Variants in SPATS2L observed in about 807,000 individuals in gnomAD.
SPATS2L encodes spermatogenesis associated serine rich 2 like.
Under a neutral mutation model 59.6 loss-of-function variants are expected in SPATS2L, and 30 were observed. The observed-to-expected ratio is 0.50, with a 90% CI of 0.38 to 0.68. The LOEUF is 0.68. SPATS2L is among the 30% of genes least tolerant of loss of function. The probability of loss-of-function intolerance (pLI) is 0.00; values close to 1 mark genes in which losing one functional copy is unlikely to be tolerated. For synonymous variants in SPATS2L, 252 were observed against 263.5 expected (o/e 0.96, Z 0.42); for missense variants, 615 against 700.0 (o/e 0.88, Z 1.37).
intron 6 of SPATS2L, among the ~76,000 whole-genome samples, chr2:200,437,168 C>T (rs1336819812): frequency 6.6e-6 from 1 of 152,070 alleles, no homozygotes; most frequent in Non-Finnish European, 1.5e-5. Flanking sequence ...TAAAAATTAC[C>T]CAGGCTCAAG....
At chr2:200,407,215 C>T (rs1180957933) in intron 3 of SPATS2L, among the ~76,000 whole-genome samples, 1 of 152,136 alleles carries the variant, frequency 6.6e-6, no homozygotes, top group Non-Finnish European at 1.5e-5. Flanking sequence ...AGATAATATC[C>T]TCATTTTACA....
chr2:200,416,485 G>T, intron 5 of SPATS2L, 57 bp downstream of exon 5: 1 of 1,046,014 alleles, frequency 9.6e-7, no homozygotes, highest in Non-Finnish European at 1.3e-6. Flanking sequence ...CTTCATGGTT[G>T]TTATCATTTT....
intron 3 of SPATS2L, among the ~76,000 whole-genome samples, chr2:200,403,864 A>G (rs2082608546): frequency 6.8e-6 from 1 of 146,692 alleles, no homozygotes; most frequent in Non-Finnish European, 1.5e-5. Flanking sequence ...TCATTTCCAT[A>G]AGGGCAGCTC....
rs1574482604 is a variant in SPATS2L, at chr2:200,357,254, G to A, written c.-23+27774G>A. Among the ~76,000 whole-genome samples the A allele has an allele frequency of 2.0e-5, 3 of 152,214 alleles. No homozygotes were observed. In the Middle Eastern group the frequency reaches 0.01, roughly 518 times the overall value. On this transcript the variant is annotated intron_variant, in intron 2 of 12. Transcript: ENST00000409140. ...CTTCTAAACTGCTTCTGTAGGATCG[G>A]TTACTACATTCCTGAAAGTCCTTTC...
chr2:200,453,844 G>C (rs985514913), intron 8 of SPATS2L, among the ~76,000 whole-genome samples: 1 of 152,216 alleles, frequency 6.6e-6, no homozygotes, highest in Non-Finnish European at 1.5e-5. Context: ...AAGCCTGGCT[G>C]TAGGGCTTAT....
intron 6 of SPATS2L, among the ~76,000 whole-genome samples, chr2:200,426,852 A>G (rs559956271): frequency 1.3e-5 from 2 of 152,298 alleles, no homozygotes; most frequent in African/African-American, 2.4e-5. Context: ...CTCAGCTTCA[A>G]GTAACTTGGT....
intron 2 of SPATS2L, among the ~76,000 whole-genome samples, chr2:200,388,902 C>G (rs968799651): frequency 6.6e-6 from 1 of 152,100 alleles, no homozygotes; most frequent in African/African-American, 2.4e-5. Context: ...AAAATAGGTA[C>G]GGTTTCCCTT....
intron 6 of SPATS2L, among the ~76,000 whole-genome samples, chr2:200,428,440 G>A (rs574301502): frequency 1.3e-5 from 2 of 152,210 alleles, no homozygotes; most frequent in East Asian, 3.9e-4. Context: ...TGTTCCCTTT[G>A]GAGGTCATTC....
chr2:200,450,297 T>C (rs1292495420), intron 8 of SPATS2L, among the ~76,000 whole-genome samples: 2 of 152,334 alleles, frequency 1.3e-5, no homozygotes, highest in Non-Finnish European at 2.9e-5. Context: ...TTTGGGAAAT[T>C]TCTTTTCCTC....
intron 3 of SPATS2L, among the ~76,000 whole-genome samples, chr2:200,410,303 T>C (rs575652755): frequency 3.3e-5 from 5 of 152,286 alleles, no homozygotes; most frequent in African/African-American, 9.6e-5. Context: ...TAATGTGTAT[T>C]GTTGAACACA....
chr2:200,328,205 G>A (rs573628643), intron 1 of SPATS2L, among the ~76,000 whole-genome samples: 23 of 152,156 alleles, frequency 1.5e-4, no homozygotes, highest in Admixed American at 6.5e-4. Flanking sequence ...TTGTCCTCAG[G>A]GCTGCATTCT....
At chr2:200,442,449 A>G (rs1380761622) in intron 8 of SPATS2L, among the ~76,000 whole-genome samples, 1 of 152,162 alleles carries the variant, frequency 6.6e-6, no homozygotes, top group Non-Finnish European at 1.5e-5. Flanking sequence ...GCAGCCCTAG[A>G]TAATCAAAAA....
chr2:200,454,340 T>G (rs2085684546), intron 8 of SPATS2L, among the ~76,000 whole-genome samples: 1 of 152,202 alleles, frequency 6.6e-6, no homozygotes. Context: ...TCTTTGTATT[T>G]GAAGAACACT....
chr2:200,306,571 C>T (rs1384728188), upstream of SPATS2L: 6 of 999,222 alleles, frequency 6.0e-6, no homozygotes, highest in Non-Finnish European at 7.2e-6. Context: ...CGAGCGGGAG[C>T]GAGGGGCGCC....
In SPATS2L at chr2:200,464,720, C is replaced by T. The variant is rs540784145; in HGVS notation, c.848-2570C>T. ...GTCTTGAACTCCTGAGTCAAGCAATCCTCCTGCCTCAGCCTCCGAAAGTGC... is the reference window on the plus strand; with the variant it reads ...GTCTTGAACTCCTGAGTCAAGCAATTCTCCTGCCTCAGCCTCCGAAAGTGC... On this transcript the variant is annotated intron_variant, in intron 9 of 12. Transcript: ENST00000409140. Among the ~76,000 whole-genome samples, 82 of 152,190 alleles carry T rather than the reference C, an allele frequency of 5.4e-4. No individual in the cohort carries two copies. In the Middle Eastern group the frequency reaches 0.017, roughly 32 times the overall value.
At chr2:200,434,447 T>C (rs989228379) in intron 6 of SPATS2L, among the ~76,000 whole-genome samples, 1 of 152,042 alleles carries the variant, frequency 6.6e-6, no homozygotes, top group Non-Finnish European at 1.5e-5. Flanking sequence ...ACTGTCATCA[T>C]TGTGTTTGTA....
At chr2:200,345,556 C>T (rs2080484274) in intron 2 of SPATS2L, among the ~76,000 whole-genome samples, 1 of 152,154 alleles carries the variant, frequency 6.6e-6, no homozygotes, top group Non-Finnish European at 1.5e-5. Flanking sequence ...ATTTATTAGG[C>T]CAGCTCTGGG....
At chr2:200,461,234 G>A (rs1181463272) in intron 9 of SPATS2L, 1 of 152,202 alleles carries the variant, frequency 6.6e-6, no homozygotes, top group Non-Finnish European at 1.5e-5. Flanking sequence ...TCACAAATCA[G>A]ATTGCTTAAT....
chr2:200,447,029 G>C (rs2085094188), intron 8 of SPATS2L, among the ~76,000 whole-genome samples: 1 of 152,162 alleles, frequency 6.6e-6, no homozygotes, highest in Non-Finnish European at 1.5e-5. Flanking sequence ...AGAAGAAAAT[G>C]GAAAAATTAA....
Sources: gnomAD v4.1 joint callset for allele counts (sites outside exome capture counted in the v4.1 genomes callset) on GRCh38, gnomAD v4.1.1 for gene constraint, MANE v1.5 for transcripts, NCBI Gene and HGNC (gene_info 2026-07-23, HGNC 2026-07-21) for gene names.